Variants in ERG observed in about 807,000 individuals in gnomAD.
ERG encodes the protein ETS transcription factor ERG, also known as transcriptional regulator ERG.
A neutral mutation model predicts 55.3 loss-of-function variants in ERG; 9 were observed. The ratio of observed to expected loss-of-function variants is 0.16; its 90% CI spans 0.10 to 0.28. ERG has a LOEUF of 0.28. Among genes scored for constraint, ERG ranks in the 10% least tolerant of loss-of-function variants. ERG has a pLI of 1.00. For missense variants in ERG, 434 were observed against 631.6 expected (o/e 0.69, Z 3.35); for synonymous variants, 223 against 237.3 (o/e 0.94, Z 0.55).
intron 2 of ERG, among the ~76,000 whole-genome samples, chr21:38,568,204 A>G (rs1026650780): frequency 7.2e-5 from 11 of 152,192 alleles, no homozygotes; most frequent in African/African-American, 2.4e-4. Context: ...ATGCACCAGT[A>G]TGCTAGTATA....
At chr21:38,624,419 C>T (rs897266806) in intron 1 of ERG, among the ~76,000 whole-genome samples, 8 of 152,146 alleles carry the variant, frequency 5.3e-5, no homozygotes, top group African/African-American at 9.7e-5. Context: ...ATGTAACAAA[C>T]CTGCACATTC....
At chr21:38,442,149 T>C (rs1178321968) in intron 2 of ERG, among the ~76,000 whole-genome samples, 1 of 152,192 alleles carries the variant, frequency 6.6e-6, no homozygotes, top group Non-Finnish European at 1.5e-5. Flanking sequence ...CTAACACCTG[T>C]AATCCCAGCA....
At chr21:38,654,181 T>TAA (rs1457739194) in intron 1 of ERG, among the ~76,000 whole-genome samples, 1 of 152,250 alleles carries the variant, frequency 6.6e-6, no homozygotes, top group Non-Finnish European at 1.5e-5. Flanking sequence ...ATTTCATCTA[T>TAA]AAAATCCTTT....
intron 6 of ERG, among the ~76,000 whole-genome samples, chr21:38,398,442 T>C (rs2836370): frequency 0.39 from 58,832 of 152,084 alleles, 12,741 homozygotes; most frequent in Non-Finnish European, 0.48. Context: ...ACAGTAGCAG[T>C]GGTCAAAACA....
intron 1 of ERG, among the ~76,000 whole-genome samples, chr21:38,621,188 C>G (rs1232901746): frequency 3.3e-5 from 5 of 152,178 alleles, no homozygotes; most frequent in Non-Finnish European, 7.3e-5. Flanking sequence ...CAGACTACCC[C>G]CTTCTGTGAT....
At chr21:38,469,431 C>T (rs922673493) in intron 1 of ERG, among the ~76,000 whole-genome samples, 2 of 152,210 alleles carry the variant, frequency 1.3e-5, no homozygotes, top group South Asian at 2.1e-4. Context: ...CAAATGCTCA[C>T]GAACACCATC....
chr21:38,462,281 C>A (rs1018222445), intron 1 of ERG, among the ~76,000 whole-genome samples: 1 of 152,168 alleles, frequency 6.6e-6, no homozygotes, highest in African/African-American at 2.4e-5. Context: ...CTGCACCTGG[C>A]CTTGTTATTG....
At chr21:38,462,319 T>C (rs2059050875) in intron 1 of ERG, among the ~76,000 whole-genome samples, 1 of 151,938 alleles carries the variant, frequency 6.6e-6, no homozygotes, top group Admixed American at 6.6e-5. Flanking sequence ...TATAAGTAAA[T>C]GTTTCAAAAT....
chr21:38,639,340 T>A (rs2060409518), intron 1 of ERG, among the ~76,000 whole-genome samples: 1 of 151,142 alleles, frequency 6.6e-6, no homozygotes, highest in African/African-American at 2.4e-5. Flanking sequence ...AGAAAAAATG[T>A]GGAGCAAAAA....
At chr21:38,590,936 T>C (rs1420711997) in intron 1 of ERG, among the ~76,000 whole-genome samples, 2 of 152,198 alleles carry the variant, frequency 1.3e-5, no homozygotes, top group Non-Finnish European at 2.9e-5. Flanking sequence ...AAACAGAAAT[T>C]CTGCAATCCT....
chr21:38,565,554 GC>G (rs1200661660), intron 2 of ERG, among the ~76,000 whole-genome samples: 5 of 152,146 alleles, frequency 3.3e-5, no homozygotes, highest in African/African-American at 1.2e-4. Flanking sequence ...ACTTGAAAGT[GC>G]CAGGAGAGCT....
chr21:38,512,209 C>G (rs1226771470), intron 2 of ERG, among the ~76,000 whole-genome samples: 4 of 151,978 alleles, frequency 2.6e-5, no homozygotes, highest in Non-Finnish European at 5.9e-5. Context: ...AAGTGTAAAC[C>G]ATCCAAGAAA....
intron 2 of ERG, among the ~76,000 whole-genome samples, chr21:38,527,788 C>G (rs1015737385): frequency 6.6e-6 from 1 of 152,194 alleles, no homozygotes; most frequent in Admixed American, 6.5e-5. Context: ...AAAACCCTAA[C>G]GTGACAATGA....
Position 38,382,147 on chromosome 21 carries a change from C to T in ERG, c.*1256G>A, listed in dbSNP as rs763482025. 1.3e-5 allele frequency: 14 copies of T among 1,053,496 alleles called. No individual in the cohort carries two copies. Among genetic ancestry groups the T allele is most frequent in the East Asian group, 5.4e-5 (1 of 18,600 alleles). 65.3% of individuals were successfully genotyped at this position (1,053,496 alleles called of 1,614,324 possible). On this transcript the variant is annotated 3_prime_UTR_variant, in exon 10 of 10. Coordinates refer to ENST00000288319, the MANE Select transcript of ERG (RefSeq NM_182918.4). ...GTTAAAATTCAAGGCCACATTATAT[C>T]GATTGTCTCTTTTGTCGTGTGTCTT...
chr21:38,460,415 ATTCT>A lies in ERG; in HGVS notation c.19-14798_19-14795del, dbSNP rs954164815. 1.2e-3 allele frequency among the ~76,000 whole-genome samples: 187 copies of A among 152,344 alleles called. 3 individuals are homozygous for A. The highest frequency in any genetic ancestry group is 0.011 in the Admixed American group (163 of 15,304). On this transcript the variant is annotated intron_variant, in intron 1 of 9. Transcript: ENST00000288319. The surrounding 1 kb of genome is among the most constrained non-coding windows in gnomAD (Gnocchi z 5.0). ...ATCTCATAAGGGTTCTGCAAAGAAA[ATTCT>A]TTCTATCTTTAAAGTTTTATTATTT... is the stretch of plus-strand genomic sequence containing the variant.
rs562818411 is a variant in ERG, at chr21:38,439,996, C to T, written c.236+5408G>A. Among the ~76,000 whole-genome samples the T allele has an allele frequency of 3.3e-5, 5 of 152,306 alleles. No homozygotes were observed. In the East Asian group the frequency reaches 9.6e-4, roughly 29 times the overall value. On this transcript the variant is annotated intron_variant, in intron 2 of 9. Transcript: ENST00000288319. ...GGAGGTGGGCCATGTTCTGGAAAGA[C>T]CTAAGCTGCAGAGAGTGCACTTCTC...
chr21:38,637,965 A>C (rs1229869245), intron 1 of ERG, among the ~76,000 whole-genome samples: 1 of 152,230 alleles, frequency 6.6e-6, no homozygotes, highest in East Asian at 1.9e-4. Flanking sequence ...GAGTGGATTG[A>C]AGAGCAAGAG....
chr21:38,607,852 G>A (rs73217981), intron 1 of ERG, among the ~76,000 whole-genome samples: 31,107 of 152,072 alleles, frequency 0.2, 3,726 homozygotes, highest in Non-Finnish European at 0.27. Flanking sequence ...AAGTAGGGGA[G>A]CAGAGTCAGA....
At chr21:38,472,086 A>G (rs2059144495) in intron 1 of ERG, 1 of 152,176 alleles carries the variant, frequency 6.6e-6, no homozygotes, top group Non-Finnish European at 1.5e-5. Context: ...ATTACCTGAA[A>G]CAAAAGATAC....
Sources: gnomAD v4.1 joint callset for allele counts (sites outside exome capture counted in the v4.1 genomes callset) on GRCh38, gnomAD v4.1.1 for gene constraint, Gnocchi (gnomAD v3.1) non-coding constraint, MANE v1.5 for transcripts, NCBI Gene and HGNC (gene_info 2026-07-23, HGNC 2026-07-21) for gene names.